The following SEMA4D variants were observed in gnomAD, a reference collection of about 807,000 sequenced individuals.
SEMA4D encodes the protein semaphorin-4D.
SEMA4D carries 22 observed loss-of-function variants against 74.8 expected under a neutral mutation model. That is an observed-to-expected ratio of 0.29 (90% CI 0.21 to 0.42). The LOEUF (loss-of-function observed/expected upper bound fraction) is 0.42. SEMA4D is among the 10% of genes least tolerant of loss of function. The probability of loss-of-function intolerance (pLI) is 1.00; values close to 1 mark genes in which losing one functional copy is unlikely to be tolerated. For synonymous variants in SEMA4D, 445 were observed against 463.7 expected, an observed-to-expected ratio of 0.96 and a Z score of 0.52; for missense variants, 937 against 1,118.4, an observed-to-expected ratio of 0.84 and a Z score of 2.31.
At chr9:89,406,726 C>G (rs1189354173) in intron 2 of SEMA4D, among the ~76,000 whole-genome samples, 7 of 152,174 alleles carry the variant, frequency 4.6e-5, no homozygotes, top group Admixed American at 4.6e-4. Flanking sequence ...CCCTGAGTCC[C>G]TTGCTCCCCC....
intron 2 of SEMA4D, among the ~76,000 whole-genome samples, chr9:89,433,099 C>T (rs1459579714): frequency 6.6e-6 from 1 of 152,222 alleles, no homozygotes; most frequent in Non-Finnish European, 1.5e-5. Flanking sequence ...TTGCCAAGTG[C>T]TGCTGGTGCA....
At chr9:89,481,950 G>A (rs1254739763) in intron 1 of SEMA4D, among the ~76,000 whole-genome samples, 2 of 152,252 alleles carry the variant, frequency 1.3e-5, no homozygotes, top group Admixed American at 6.5e-5. Flanking sequence ...ATGGAAAGAT[G>A]AAAACAGCAA....
At chr9:89,424,880 T>C (rs11795176) in intron 2 of SEMA4D, among the ~76,000 whole-genome samples, 87 of 152,302 alleles carry the variant, frequency 5.7e-4, no homozygotes, top group Non-Finnish European at 9.8e-4. Context: ...GGCATGCTTA[T>C]TTCTTACAAG....
chr9:89,447,471 A>G (rs1329905747), intron 2 of SEMA4D, among the ~76,000 whole-genome samples: 1 of 151,860 alleles, frequency 6.6e-6, no homozygotes, highest in Non-Finnish European at 1.5e-5. Context: ...CCAATGGCTC[A>G]GGCCAAAATC....
chr9:89,393,456 CA>C, intron 7 of SEMA4D, 105 bp downstream of exon 7: 2 of 938,590 alleles, frequency 2.1e-6, no homozygotes, highest in Non-Finnish European at 3.4e-6. Context: ...CCTATTTAAA[CA>C]AAGCCAAGGA....
At chr9:89,475,374 C>T (rs1442734746) in intron 1 of SEMA4D, among the ~76,000 whole-genome samples, 1 of 152,186 alleles carries the variant, frequency 6.6e-6, no homozygotes, top group Non-Finnish European at 1.5e-5. Context: ...CAGGAACAAA[C>T]ACCCACTCCT....
chr9:89,387,413 C>T lies in SEMA4D; in HGVS notation c.1303G>A (p.Val435Ile), dbSNP rs1359462612. The change falls in exon 12 of 16, where the codon GTC (valine) becomes ATC (isoleucine). Residue 435 changes from valine (V) to isoleucine (I), a missense_variant. Coordinates refer to ENST00000422704, the MANE Select transcript of SEMA4D (RefSeq NM_001371194.2). ...VDRTQALDGT[V>I]YDVMFVSTDR... The stretch of plus-strand genomic sequence containing the variant: ...GTGCTGACAAACATGACATCATAGA[C>T]AGTCCCATCCAGGGCCTGGGTCCGG... 6.2e-7 allele frequency: 1 copy of T among 1,614,010 alleles called. No homozygotes were observed. Among genetic ancestry groups the T allele is most frequent in the South Asian group, 1.1e-5 (1 of 91,066 alleles).
intron 2 of SEMA4D, among the ~76,000 whole-genome samples, chr9:89,425,756 G>T (rs1300499611): frequency 6.6e-6 from 1 of 152,180 alleles, no homozygotes; most frequent in Admixed American, 6.5e-5. Context: ...GGAAAAACAG[G>T]CTCAGAAAAA....
At chr9:89,422,639 T>C (rs1453782402) in intron 2 of SEMA4D, among the ~76,000 whole-genome samples, 1 of 152,234 alleles carries the variant, frequency 6.6e-6, no homozygotes. Flanking sequence ...CAATATTCCA[T>C]AATTAAATAT....
Position 89,492,030 on chromosome 9 carries a change from C to T in SEMA4D, c.-310+5889G>A, listed in dbSNP as rs912789477. On this transcript the variant is annotated intron_variant, in intron 1 of 15. Transcript: ENST00000422704. This position sits in a 1 kb window ranked among gnomAD's most constrained non-coding sequence, Gnocchi z 4.3. ...CTCTTCAGGATGCAACCCTTCCAAG[C>T]GGGCCTCCCTCAGCCCTATCTGCCC... 6.6e-6 allele frequency among the ~76,000 whole-genome samples: 1 copy of T among 152,172 alleles called. No individual in the cohort carries two copies.
intron 2 of SEMA4D, among the ~76,000 whole-genome samples, chr9:89,454,976 A>C (rs1490887297): frequency 6.6e-6 from 1 of 152,218 alleles, no homozygotes; most frequent in Non-Finnish European, 1.5e-5. Flanking sequence ...GAACCCATGA[A>C]GTGACGGGCC....
At chr9:89,372,273 G>A (rs1380588847), downstream of SEMA4D, among the ~76,000 whole-genome samples, 2 of 123,550 alleles carry the variant, frequency 1.6e-5, no homozygotes, top group African/African-American at 3.2e-5. Context: ...TGTGGGGTGT[G>A]GTGTGTGTCG....
rs139712248 is a variant in SEMA4D at position 89,379,242 on chromosome 9, G to A, written c.2051C>T (p.Thr684Ile). 1.9e-6 allele frequency: 3 copies of A among 1,614,020 alleles called. No individual in the cohort carries two copies. The African/African-American group carries it at 4.0e-5, about 22-fold the overall frequency. ...GGAGGAGGTGGCCTGCACGGCTGGG[G>A]TTGGGGGAGAAGACCCTTGGGTGGA... Reference protein sequence around the residue: ...VASTQGSSPPTPAVQATSSGA... With the variant: ...VASTQGSSPPIPAVQATSSGA... Residue 684 changes from threonine to isoleucine, a missense_variant, in exon 16 of 16, where the codon ACC becomes ATC. Coordinates refer to ENST00000422704, the MANE Select transcript of SEMA4D (RefSeq NM_001371194.2).
rs557008610 is a variant in SEMA4D at position 89,405,271 on chromosome 9, C to G, written c.106+80G>C. On this transcript the variant is annotated intron_variant, in intron 3 of 15. Transcript: ENST00000422704. Reference sequence around the variant, plus strand: ...CAGGAAGTGGGGTCCCTGTCCCGTCCCCAGCCACCCACCTCAGCATCCCAG... The same window carrying G: ...CAGGAAGTGGGGTCCCTGTCCCGTCGCCAGCCACCCACCTCAGCATCCCAG... 79 of 1,296,252 alleles carry G rather than the reference C, an allele frequency of 6.1e-5. 1 individual carries two copies. The East Asian group carries it at 1.4e-3, about 23-fold the overall frequency. 80.3% of individuals were successfully genotyped at this position (1,296,252 alleles called of 1,614,324 possible). A position where few individuals can be genotyped will look rare whatever the true frequency, so the allele number is the denominator to read the frequency against.
chr9:89,381,534 T>C lies in SEMA4D; in HGVS notation c.1447-188A>G, dbSNP rs1333714535. ...CTGTGACCTTCCTGCAGAATCCACG[T>C]GCTATGTCAGGGCTCACTGGGCCTT... On this transcript the variant is annotated intron_variant, in intron 13 of 15. Coordinates refer to ENST00000422704, the MANE Select transcript of SEMA4D (RefSeq NM_001371194.2). The surrounding 1 kb of genome is among the most constrained non-coding windows in gnomAD (Gnocchi z 4.6). The C allele has an allele frequency of 7.7e-6, 4 of 517,830 alleles. No individual in the cohort carries two copies. Among genetic ancestry groups the C allele is most frequent in the Non-Finnish European group, 1.3e-5 (4 of 305,168 alleles). 32.1% of individuals were successfully genotyped at this position (517,830 alleles called of 1,614,324 possible).
intron 2 of SEMA4D, among the ~76,000 whole-genome samples, chr9:89,455,264 C>T (rs1855654593): frequency 6.6e-6 from 1 of 152,252 alleles, no homozygotes; most frequent in Admixed American, 6.5e-5. Flanking sequence ...TTCGTCCACT[C>T]TGCACACTTG....
At chr9:89,441,138 CTT>C (rs1222879855) in intron 2 of SEMA4D, among the ~76,000 whole-genome samples, 1 of 152,238 alleles carries the variant, frequency 6.6e-6, no homozygotes, top group African/African-American at 2.4e-5. Context: ...ATCTTAAAGT[CTT>C]ATTACACATT....
chr9:89,430,048 G>T (rs75223927), intron 2 of SEMA4D, among the ~76,000 whole-genome samples: 5,587 of 151,808 alleles, frequency 0.037, 155 homozygotes, highest in South Asian at 0.12. Context: ...CTGTGGGTGG[G>T]AGCGGTCACA....
intron 2 of SEMA4D, among the ~76,000 whole-genome samples, chr9:89,437,145 G>A (rs1256142207): frequency 2.0e-5 from 3 of 152,220 alleles, no homozygotes; most frequent in African/African-American, 7.2e-5. Flanking sequence ...GAAGCACGTG[G>A]CCTCTTTTGT....
Sources: gnomAD v4.1 joint callset for allele counts (sites outside exome capture counted in the v4.1 genomes callset) on GRCh38, gnomAD v4.1.1 for gene constraint, Gnocchi (gnomAD v3.1) non-coding constraint, MANE v1.5 for transcripts, NCBI Gene and HGNC (gene_info 2026-07-23, HGNC 2026-07-21) for gene names.